The following ASTL variants were observed in gnomAD, a reference collection of about 807,000 sequenced individuals.
ASTL encodes the protein astacin-like metalloendopeptidase.
Under a neutral mutation model 36.7 loss-of-function variants are expected in ASTL, and 27 were observed. That is an observed-to-expected ratio of 0.73 (90% CI 0.54 to 1.01). The LOEUF is 1.01. Among genes scored for constraint, ASTL ranks in the 50% least tolerant of loss-of-function variants. The pLI is 0.00. For missense variants in ASTL, 524 were observed against 572.8 expected (o/e 0.91, Z 0.87); for synonymous variants, 222 against 228.1 (o/e 0.97, Z 0.24).
chr2:96,125,837 G>C (rs1329135345), intron 8 of ASTL, among the ~76,000 whole-genome samples: 1 of 152,132 alleles, frequency 6.6e-6, no homozygotes, highest in Non-Finnish European at 1.5e-5. Flanking sequence ...AGCTACTCGG[G>C]AGGCTGAGGT....
intron 8 of ASTL, among the ~76,000 whole-genome samples, chr2:96,129,283 C>G (rs1424371671): frequency 6.6e-6 from 1 of 152,150 alleles, no homozygotes; most frequent in Non-Finnish European, 1.5e-5. Context: ...GGTATGTTTA[C>G]TAACAATTGT....
Position 96,132,443 on chromosome 2 carries a change from G to T in ASTL, c.637+97C>A. On this transcript the variant is annotated intron_variant, in intron 6 of 8. Transcript: ENST00000342380. This position sits in a 1 kb window ranked among gnomAD's most constrained non-coding sequence, Gnocchi z 5.4. ...ACAGGAAGCAGGCAGGTGATGGGGA[G>T]GATGGATAGCCTCACCCATGGGGAC... The T allele has an allele frequency of 8.9e-7, 1 of 1,124,978 alleles. No individual in the cohort carries two copies. The allele number at this position is 1,124,978 out of a possible 1,614,324, so 69.7% of individuals were successfully genotyped here.
At chr2:96,137,773 G>A (rs1682334965) in intron 1 of ASTL, 73 bp from the exon 2 acceptor site, 2 of 1,478,390 alleles carry the variant, frequency 1.4e-6, no homozygotes, top group Non-Finnish European at 1.9e-6. Flanking sequence ...CAGGACATGG[G>A]GTGGGTGTGG....
Position 96,130,080 on chromosome 2 carries a change from C to T in ASTL, c.703G>A (p.Val235Met). The T allele has an allele frequency of 1.2e-6, 2 of 1,614,128 alleles. No homozygotes were observed. Among genetic ancestry groups the T allele is most frequent in the Admixed American group, 1.7e-5 (1 of 60,020 alleles). Residue 235 changes from valine (V) to methionine (M), a missense_variant, in exon 7 of 9, where the codon GTG becomes ATG. Val to Met is a conservative substitution (Grantham distance 21, BLOSUM62 1). Coordinates refer to ENST00000342380, the MANE Select transcript of ASTL (RefSeq NM_001002036.4). ...GGTCCTCACCTCCCATAGTGCATCACAGAGGAGTAGTCATAGGGCGTCAGC... is the reference window on the plus strand; with the variant it reads ...GGTCCTCACCTCCCATAGTGCATCATAGAGGAGTAGTCATAGGGCGTCAGC... ...NMLTPYDYSS[V>M]MHYGRLAFSR...
rs139838780 is a variant in ASTL, at chr2:96,129,987, C to G, written c.720-9G>C. The G allele has an allele frequency of 3.1e-4, 497 of 1,606,120 alleles. 3 individuals carry two copies. The African/African-American group carries it at 5.8e-3, about 19-fold the overall frequency. On this transcript the variant is annotated splice_polypyrimidine_tract_variant and intron_variant, in intron 7 of 8. Transcript: ENST00000342380. The stretch of plus-strand genomic sequence containing the variant: ...GCCGGCTGAAGGCGAGCCTGGAACC[C>G]AGCGGGAGACCCCTGAGTCCAGATC...
In ASTL at chr2:96,137,597, C is replaced by T. The variant is rs764193295; in HGVS notation, c.159G>A (p.Lys53=). 4 of 1,613,930 alleles carry T rather than the reference C, an allele frequency of 2.5e-6. No homozygotes were observed. The highest frequency in any genetic ancestry group is 3.4e-6 in the Non-Finnish European group (4 of 1,179,846). Residue 53 remains lysine (K), a synonymous_variant, in exon 2 of 9, where the codon AAG becomes AAA. Transcript: ENST00000342380. ...TPEGTQASGD[K]DIPAINQGLI... ...CACCTTGGTTAATTGCAGGAATGTCCTTGTCCCCGGAGGCCTGGGTTCCCT... is the reference window on the plus strand; with the variant it reads ...CACCTTGGTTAATTGCAGGAATGTCTTTGTCCCCGGAGGCCTGGGTTCCCT...
Position 96,130,026 on chromosome 2 carries a change from C to A in ASTL, c.719+38G>T. The A allele has an allele frequency of 3.1e-6, 5 of 1,613,568 alleles. No homozygotes were observed. The South Asian group carries it at 5.5e-5, about 18-fold the overall frequency. On this transcript the variant is annotated intron_variant, in intron 7 of 8. Coordinates refer to ENST00000342380, the MANE Select transcript of ASTL (RefSeq NM_001002036.4). ...TGAGTCCAGATCACCACGGGAGAGGCTGGGGGAAGCAGAGGGAGAAGAAGG... is the reference window on the plus strand; with the variant it reads ...TGAGTCCAGATCACCACGGGAGAGGATGGGGGAAGCAGAGGGAGAAGAAGG...
chr2:96,138,313 AC>A (rs1682347594), intron 1 of ASTL, 68 bp downstream of exon 1: 1 of 1,431,656 alleles, frequency 7.0e-7, no homozygotes, highest in South Asian at 1.2e-5. Flanking sequence ...TCCAGCCACA[AC>A]CTTCTAGCCT....
At chr2:96,134,563 C>G (rs1682257341) in intron 3 of ASTL, among the ~76,000 whole-genome samples, 2 of 152,214 alleles carry the variant, frequency 1.3e-5, no homozygotes, top group Non-Finnish European at 2.9e-5. Context: ...CCACAGCACC[C>G]CAGCGTGCCT....
chr2:96,135,231 A>G (rs1330822664), intron 3 of ASTL, 120 bp downstream of exon 3: 1 of 715,654 alleles, frequency 1.4e-6, no homozygotes, highest in Non-Finnish European at 2.4e-6. Flanking sequence ...AAAAAGAGGC[A>G]TCTACCAAGC....
In ASTL at chr2:96,135,208, C is replaced by A. The variant is rs192713870; in HGVS notation, c.243+143G>T. 6.3e-6 allele frequency: 4 copies of A among 633,898 alleles called. No individual in the cohort carries two copies. The East Asian group carries it at 1.1e-4, about 18-fold the overall frequency. The allele number at this position is 633,898 out of a possible 1,614,324, so 39.3% of individuals were successfully genotyped here. On this transcript the variant is annotated intron_variant, in intron 3 of 8. Coordinates refer to ENST00000342380, the MANE Select transcript of ASTL (RefSeq NM_001002036.4). ...TTCCTATTTCCTAACAGAACAGTCG[C>A]TCTGACCTTGACAAAAAGAGGCATC...
intron 8 of ASTL, among the ~76,000 whole-genome samples, chr2:96,127,454 A>G (rs1428125137): frequency 6.6e-6 from 1 of 152,228 alleles, no homozygotes; most frequent in African/African-American, 2.4e-5. Flanking sequence ...TGTCTAGTTT[A>G]GTGGCTATAG....
At position 96,132,128 on chromosome 2, in the gene ASTL, C is replaced by T. The variant is rs1253627278; in HGVS notation, c.637+412G>A. Among the ~76,000 whole-genome samples the T allele has an allele frequency of 6.6e-6, 1 of 152,222 alleles. No individual in the cohort carries two copies. The highest frequency in any genetic ancestry group is 1.5e-5 in the Non-Finnish European group (1 of 68,038). On this transcript the variant is annotated intron_variant, in intron 6 of 8. Coordinates refer to ENST00000342380, the MANE Select transcript of ASTL (RefSeq NM_001002036.4). The surrounding 1 kb of genome is among the most constrained non-coding windows in gnomAD (Gnocchi z 5.4). ...TGTGCAGCCTGCTACCTTGGGGTCC[C>T]ACTTTGGCTCAGCTCCCCAAGCTGG... is the stretch of plus-strand genomic sequence containing the variant.
chr2:96,136,459 A>T (rs1300441160), intron 2 of ASTL, among the ~76,000 whole-genome samples: 2 of 152,234 alleles, frequency 1.3e-5, no homozygotes, highest in African/African-American at 4.8e-5. Flanking sequence ...CCCTTATGAG[A>T]CAGCCTCACC....
rs1245459573 is a variant in ASTL, at chr2:96,123,088, G to T, written c.*762C>A. 6.6e-6 allele frequency among the ~76,000 whole-genome samples: 1 copy of T among 152,220 alleles called. No homozygotes were observed. The highest frequency in any genetic ancestry group is 1.5e-5 in the Non-Finnish European group (1 of 68,034). On this transcript the variant is annotated 3_prime_UTR_variant, in exon 9 of 9. Coordinates refer to ENST00000342380, the MANE Select transcript of ASTL (RefSeq NM_001002036.4). ...GGAGCTGGGGCAGAGGAGGAAGGGG[G>T]CTTTCCTGGAGGAGGACAAGCCAGG...
At position 96,124,213 on chromosome 2, in the gene ASTL, C is replaced by T. The variant is rs745844339; in HGVS notation, c.933G>A (p.Arg311=). The change falls in exon 9 of 9, where the codon CGG becomes CGA. Residue 311 remains arginine, a synonymous_variant. Transcript: ENST00000342380. This position sits in a 1 kb window ranked among gnomAD's most constrained non-coding sequence, Gnocchi z 4.1. ...SPAPASLSLQ[R]LLEALSAESR... Reference sequence around the variant, plus strand: ...ATTCCGCCGACAGTGCCTCCAAAAGCCGCTGCAGAGATAGGGAGGCCGGAG... The same window carrying T: ...ATTCCGCCGACAGTGCCTCCAAAAGTCGCTGCAGAGATAGGGAGGCCGGAG... 1 of 1,522,192 alleles carries T rather than the reference C, an allele frequency of 6.6e-7. No individual in the cohort carries two copies. The highest frequency in any genetic ancestry group is 1.4e-5 in the African/African-American group (1 of 71,994). The allele number at this position is 1,522,192 out of a possible 1,614,324, so 94.3% of individuals were successfully genotyped here. A position where few individuals can be genotyped will look rare whatever the true frequency, so the allele number is the denominator to read the frequency against.
intron 8 of ASTL, among the ~76,000 whole-genome samples, chr2:96,128,020 G>A (rs998892193): frequency 1.1e-4 from 17 of 152,118 alleles, no homozygotes; most frequent in Non-Finnish European, 2.5e-4. Flanking sequence ...ATCACCTGAG[G>A]TCAGGAGCTC....
chr2:96,137,884 T>G (rs1573918280), intron 1 of ASTL, 184 bp from the exon 2 acceptor site: 1 of 592,120 alleles, frequency 1.7e-6, no homozygotes, highest in Non-Finnish European at 2.9e-6. Context: ...GGTGCCAAGG[T>G]CTAGATGACC....
rs1682201621 is a variant in ASTL at position 96,132,528 on chromosome 2, G to T, written c.637+12C>A. 1 of 1,585,160 alleles carries T rather than the reference G, an allele frequency of 6.3e-7. No homozygotes were observed. The highest frequency in any genetic ancestry group is 1.9e-4 in the Middle Eastern group (1 of 5,358). On this transcript the variant is annotated intron_variant, in intron 6 of 8. Transcript: ENST00000342380. The surrounding 1 kb of genome is among the most constrained non-coding windows in gnomAD (Gnocchi z 5.4). ...CCCGGCACCAGCCTGTCCTGCGTGTGGCCTGGCTCACCTGGCAGGATCTCG... is the reference window on the plus strand; with the variant it reads ...CCCGGCACCAGCCTGTCCTGCGTGTTGCCTGGCTCACCTGGCAGGATCTCG...
Sources: gnomAD v4.1 joint callset for allele counts (sites outside exome capture counted in the v4.1 genomes callset) on GRCh38, gnomAD v4.1.1 for gene constraint, Gnocchi (gnomAD v3.1) non-coding constraint, MANE v1.5 for transcripts, NCBI Gene and HGNC (gene_info 2026-07-23, HGNC 2026-07-21) for gene names.